Variants in HDGFL2 observed in about 807,000 individuals in gnomAD.
The protein encoded by HDGFL2 is HDGF like 2, also known as hepatoma-derived growth factor-related protein 2.
In HDGFL2, 36 loss-of-function variants were observed where a neutral mutation model predicts 77.1. The observed-to-expected ratio is 0.47, with a 90% CI of 0.36 to 0.62. The LOEUF (loss-of-function observed/expected upper bound fraction) is 0.62. Ranked by LOEUF, HDGFL2 falls within the 20% of genes least tolerant of loss-of-function variation. HDGFL2 has a pLI of 0.00. For synonymous variants in HDGFL2, 463 were observed against 413.1 expected (o/e 1.12, Z -1.46); for missense variants, 976 against 973.4 (o/e 1.00, Z -0.04).
At chr19:4,499,373 A>C (rs1975793521) in intron 13 of HDGFL2, 118 bp from the exon 14 acceptor site, 2 of 800,646 alleles carry the variant, frequency 2.5e-6, no homozygotes, top group African/African-American at 1.7e-5. Flanking sequence ...TGCCTGCTGC[A>C]CAGAGCTGTG....
chr19:4,496,885 T>TTTTA, intron 10 of HDGFL2: 1 of 408,952 alleles, frequency 2.4e-6, no homozygotes, highest in South Asian at 1.8e-5. Context: ...TTTTTTTTTT[T>TTTTA]GAGATGGAGT....
intron 4 of HDGFL2, among the ~76,000 whole-genome samples, chr19:4,491,057 G>A (rs971243582): frequency 1.1e-4 from 17 of 152,006 alleles, no homozygotes; most frequent in African/African-American, 3.6e-4. Context: ...TGATCTGCTC[G>A]CCTCAGCCTC....
chr19:4,501,449 C>A (rs184989559), intron 15 of HDGFL2, 132 bp downstream of exon 15: 2 of 1,093,926 alleles, frequency 1.8e-6, no homozygotes, highest in East Asian at 3.0e-5. Flanking sequence ...ACTCGGGCCT[C>A]CCACCTTCAC....
chr19:4,472,484 C>T (rs1200748839), intron 1 of HDGFL2, 62 bp downstream of exon 1: 38 of 970,706 alleles, frequency 3.9e-5, no homozygotes, highest in Non-Finnish European at 4.9e-5. Context: ...GGGCCCCGGG[C>T]CGGAGGCGGG....
intron 9 of HDGFL2, among the ~76,000 whole-genome samples, chr19:4,495,121 C>A (rs896060569): frequency 2.0e-5 from 3 of 152,164 alleles, no homozygotes; most frequent in African/African-American, 7.2e-5. Flanking sequence ...GGCGCAGTGG[C>A]TCACGCCTGT....
At position 4,492,815 on chromosome 19, in the gene HDGFL2, G is replaced by C. The variant is rs1427321819; in HGVS notation, c.679-888G>C. On this transcript the variant is annotated intron_variant, in intron 6 of 15. Coordinates refer to ENST00000616600, the MANE Select transcript of HDGFL2 (RefSeq NM_001001520.3). ...TGTGTTTCTGGTCTGTGTGTTATGT[G>C]TGGTCTGTGTGTGTTATCTGTGTGG... Among the ~76,000 whole-genome samples the C allele has an allele frequency of 1.4e-4, 21 of 147,094 alleles. 1 individual carries two copies. Among genetic ancestry groups the C allele is most frequent in the African/African-American group, 2.3e-4 (9 of 39,340 alleles).
chr19:4,473,803 C>T (rs1462092694), intron 1 of HDGFL2, among the ~76,000 whole-genome samples: 2 of 151,808 alleles, frequency 1.3e-5, no homozygotes, highest in African/African-American at 4.8e-5. Context: ...GGGATTGGTC[C>T]CCTGTGGGGA....
At chr19:4,479,094 A>AG (rs1026249844) in intron 3 of HDGFL2, among the ~76,000 whole-genome samples, 1 of 151,616 alleles carries the variant, frequency 6.6e-6, no homozygotes, top group Non-Finnish European at 1.5e-5. Flanking sequence ...TGGGAGGCCA[A>AG]GGGGGCAGAT....
intron 14 of HDGFL2, 76 bp from the exon 15 acceptor site, chr19:4,501,115 A>G: frequency 6.3e-7 from 1 of 1,587,782 alleles, no homozygotes; most frequent in Non-Finnish European, 8.6e-7. Context: ...CCCCTGGTCC[A>G]GTCCTTGACA....
intron 6 of HDGFL2, 57 bp from the exon 7 acceptor site, chr19:4,493,646 G>A (rs1359644759): frequency 5.8e-6 from 8 of 1,386,648 alleles, no homozygotes; most frequent in Non-Finnish European, 6.6e-6. Flanking sequence ...GGCCTGGTGC[G>A]CCCCGCTTCT....
chr19:4,486,903 C>T (rs961246086), intron 3 of HDGFL2, among the ~76,000 whole-genome samples: 28 of 152,314 alleles, frequency 1.8e-4, no homozygotes, highest in Middle Eastern at 3.4e-3. Flanking sequence ...GACAACTCCT[C>T]TGTAAAAATG....
chr19:4,499,975 A>G (rs748238448), intron 14 of HDGFL2, among the ~76,000 whole-genome samples: 5 of 152,162 alleles, frequency 3.3e-5, no homozygotes, highest in Non-Finnish European at 7.4e-5. Context: ...GCATGACAGC[A>G]CACGCCTCCA....
At chr19:4,482,294 C>G (rs1392548079) in intron 3 of HDGFL2, among the ~76,000 whole-genome samples, 1 of 151,882 alleles carries the variant, frequency 6.6e-6, no homozygotes, top group Non-Finnish European at 1.5e-5. Flanking sequence ...ACTGCAAGCT[C>G]CACCTCCCAA....
chr19:4,480,397 G>T (rs1336635524), intron 3 of HDGFL2, among the ~76,000 whole-genome samples: 2 of 152,174 alleles, frequency 1.3e-5, no homozygotes, highest in South Asian at 4.1e-4. Flanking sequence ...AGGCCCTGGA[G>T]GATGGGAGTC....
chr19:4,475,774 A>C lies in HDGFL2; in HGVS notation c.288+191A>C, dbSNP rs561299202. 5.4e-4 allele frequency among the ~76,000 whole-genome samples: 81 copies of C among 151,350 alleles called. 1 individual carries two copies. Among genetic ancestry groups the C allele is most frequent in the African/African-American group, 1.7e-3 (71 of 41,168 alleles). On this transcript the variant is annotated intron_variant, in intron 3 of 15. Transcript: ENST00000616600. ...CCTACTCAGTGCCAAGGCCACCCCC[A>C]CCCCATTCATGGTGATGACAGATGT...
chr19:4,489,459 G>A (rs1225640424), intron 4 of HDGFL2, among the ~76,000 whole-genome samples: 8 of 151,268 alleles, frequency 5.3e-5, no homozygotes, highest in East Asian at 2.0e-4. Context: ...GCTGGAGTGC[G>A]GTGGCACGAT....
chr19:4,497,032 G>A (rs546345116), intron 10 of HDGFL2: 18 of 391,320 alleles, frequency 4.6e-5, no homozygotes, highest in South Asian at 3.0e-4. Flanking sequence ...CCGCCACCAC[G>A]CCTGGCTAAT....
At chr19:4,497,535 C>G (rs72973997) in intron 10 of HDGFL2, 12,617 of 300,816 alleles carry the variant, frequency 0.042, 382 homozygotes, top group Non-Finnish European at 0.058. Context: ...GTGGGCAAAC[C>G]TGCCCATGAG....
At chr19:4,494,599 C>T in intron 9 of HDGFL2, 124 bp downstream of exon 9, 2 of 691,400 alleles carry the variant, frequency 2.9e-6, no homozygotes, top group Non-Finnish European at 4.1e-6. Context: ...GGCCCAGAAA[C>T]TCCTGCCCTG....
Sources: gnomAD v4.1 joint callset for allele counts (sites outside exome capture counted in the v4.1 genomes callset) on GRCh38, gnomAD v4.1.1 for gene constraint, MANE v1.5 for transcripts, NCBI Gene and HGNC (gene_info 2026-07-23, HGNC 2026-07-21) for gene names.